Variants in AGL observed in about 807,000 individuals in gnomAD.
AGL encodes the protein amylo-alpha-1,6-glucosidase and 4-alpha-glucanotransferase.
A neutral mutation model predicts 199.3 loss-of-function variants in AGL; 128 were observed. That is an observed-to-expected ratio of 0.64 (90% CI 0.56 to 0.74). The LOEUF (loss-of-function observed/expected upper bound fraction) is 0.74, where lower values mean the gene tolerates loss of function less well. Ranked by LOEUF, AGL falls within the 30% of genes least tolerant of loss-of-function variation. The pLI is 0.00. For synonymous variants in AGL, 584 were observed against 594.7 expected, an observed-to-expected ratio of 0.98 and a Z score of 0.26; for missense variants, 1,809 against 1,820.8, an observed-to-expected ratio of 0.99 and a Z score of 0.12.
At chr1:99,859,796 C>T (rs1649886923) in intron 2 of AGL, among the ~76,000 whole-genome samples, 1 of 152,178 alleles carries the variant, frequency 6.6e-6, no homozygotes, top group African/African-American at 2.4e-5. Context: ...CTCGCCTCGG[C>T]CTCCCAGAGT....
chr1:99,879,749 C>G (rs761403608), intron 12 of AGL, among the ~76,000 whole-genome samples, 174 bp from the exon 13 acceptor site: 2 of 151,902 alleles, frequency 1.3e-5, no homozygotes, highest in Non-Finnish European at 2.9e-5. Context: ...CCTTTTTAAC[C>G]GTTTTCTTCT....
intron 4 of AGL, 63 bp downstream of exon 4, chr1:99,862,486 T>C (rs886297505): frequency 1.3e-5 from 20 of 1,574,032 alleles, no homozygotes; most frequent in Admixed American, 3.4e-5. Context: ...CTCTGTGATA[T>C]AGATTTCAAA....
chr1:99,880,348 T>C (rs1415006320), intron 13 of AGL, among the ~76,000 whole-genome samples: 1 of 152,232 alleles, frequency 6.6e-6, no homozygotes, highest in Non-Finnish European at 1.5e-5. Context: ...TACTGGGAGA[T>C]ATGATGTAAT....
chr1:99,870,380 G>C lies in AGL; in HGVS notation c.665-20G>C. On this transcript the variant is annotated intron_variant, in intron 5 of 33. Coordinates refer to ENST00000361915, the MANE Select transcript of AGL (RefSeq NM_000642.3). The stretch of plus-strand genomic sequence containing the variant: ...CAATTTAATTATGAGATACTCCTTT[G>C]TGTCTCCTTTTTCCTTCAGCTGCTA... 1 of 1,609,218 alleles carries C rather than the reference G, an allele frequency of 6.2e-7. No individual in the cohort carries two copies. The highest frequency in any genetic ancestry group is 8.5e-7 in the Non-Finnish European group (1 of 1,175,792).
Position 99,875,197 on chromosome 1 carries a change from A to G in AGL, c.1126A>G (p.Lys376Glu), listed in dbSNP as rs1346930170. 6 of 1,614,054 alleles carry G rather than the reference A, an allele frequency of 3.7e-6. No homozygotes were observed. The highest frequency in any genetic ancestry group is 5.1e-6 in the Non-Finnish European group (6 of 1,180,008). Residue 376 changes from lysine (K) to glutamate (E), a missense_variant, in exon 9 of 34, where the codon AAA becomes GAA. Transcript: ENST00000361915. Reference protein sequence around the residue: ...AIEECCNWFHKRMEELNSEKH... With the variant: ...AIEECCNWFHERMEELNSEKH... Reference sequence around the variant, plus strand: ...TGAAGAATGCTGTAATTGGTTTCATAAAAGAATGGAGGAATTAAATTCAGA... The same window carrying G: ...TGAAGAATGCTGTAATTGGTTTCATGAAAGAATGGAGGAATTAAATTCAGA...
intron 4 of AGL, among the ~76,000 whole-genome samples, chr1:99,863,002 C>T (rs545391657): frequency 3.3e-5 from 5 of 151,732 alleles, no homozygotes; most frequent in African/African-American, 1.2e-4. Context: ...TGCAATGGTG[C>T]GATCTCAGCT....
rs751094147 is a variant in AGL at position 99,887,988 on chromosome 1, A to G, written c.2692A>G (p.Arg898Gly). 3 of 1,613,426 alleles carry G rather than the reference A, an allele frequency of 1.9e-6. No homozygotes were observed. Among genetic ancestry groups the G allele is most frequent in the African/African-American group, 1.3e-5 (1 of 75,006 alleles). Reference protein sequence around the residue: ...LKIPFASLASRLTLAELNQIL... With the variant: ...LKIPFASLASGLTLAELNQIL... ...TTTTCCAATTCTTAGTCTTGCCTCC[A>G]GATTAACTTTGGCTGAGCTAAATCA... The change falls in exon 21 of 34, where the codon AGA becomes GGA. Residue 898 changes from arginine to glycine, a missense_variant. Arg to Gly is a moderately radical substitution (Grantham distance 125). Transcript: ENST00000361915.
intron 28 of AGL, 106 bp downstream of exon 28, chr1:99,910,953 T>C: frequency 5.5e-6 from 7 of 1,271,294 alleles, no homozygotes; most frequent in Non-Finnish European, 7.8e-6. Flanking sequence ...ATTAAGTCAA[T>C]CAAAATTTCC....
intron 27 of AGL, 35 bp from the exon 28 acceptor site, chr1:99,910,677 A>G (rs762799210): frequency 7.6e-7 from 1 of 1,311,456 alleles, no homozygotes; most frequent in Non-Finnish European, 1.1e-6. Context: ...TATAATACTT[A>G]TAAAATTTTA....
Position 99,880,733 on chromosome 1 carries a change from A to G in AGL, c.1837A>G (p.Met613Val). 1.2e-6 allele frequency: 2 copies of G among 1,614,038 alleles called. No homozygotes were observed. The highest frequency in any genetic ancestry group is 1.7e-5 in the Admixed American group (1 of 60,000). Residue 613 changes from methionine (M) to valine (V), a missense_variant, in exon 14 of 34, where the codon ATG becomes GTG. Physicochemically the swap from Met to Val is conservative, Grantham distance 21. Coordinates refer to ENST00000361915, the MANE Select transcript of AGL (RefSeq NM_000642.3). ...SFVQPCLRPL[M>V]PAIAHALFMD... is the part of the protein sequence containing the mutation. ...TGTTCAGCCCTGTTTGAGGCCTTTAATGCCAGCTATTGCACATGCCCTGTT... is the reference window on the plus strand; with the variant it reads ...TGTTCAGCCCTGTTTGAGGCCTTTAGTGCCAGCTATTGCACATGCCCTGTT...
intron 4 of AGL, 119 bp downstream of exon 4, chr1:99,862,542 T>A: frequency 9.5e-7 from 1 of 1,054,396 alleles, no homozygotes; most frequent in Non-Finnish European, 1.4e-6. Flanking sequence ...AAGAACTACC[T>A]GAGACTGGGT....
At position 99,879,922 on chromosome 1, in the gene AGL, G is replaced by A. The variant is rs1327892944; in HGVS notation, c.1612-1G>A. 2 of 1,610,454 alleles carry A rather than the reference G, an allele frequency of 1.2e-6. No individual in the cohort carries two copies. Among genetic ancestry groups the A allele is most frequent in the Non-Finnish European group, 1.7e-6 (2 of 1,177,010 alleles). On this transcript the variant is annotated splice_acceptor_variant, in intron 12 of 33. Transcript: ENST00000361915. LOFTEE classifies it high-confidence loss of function. ...TACATTTGTCACTGTGCTTTTTACA[G>A]TACATGTTGGATGCTGCTAGGAATT...
rs772280861 is a variant in AGL at position 99,896,272 on chromosome 1, GT to G, written c.3260-6del. Reference sequence around the variant, plus strand: ...TATGATTAACATATTACTTTGTTGTGTTTTTTTTGTTAGGCTTACCTCATTT... The same window carrying G: ...TATGATTAACATATTACTTTGTTGTGTTTTTTTGTTAGGCTTACCTCATTT... On this transcript the variant is annotated splice_polypyrimidine_tract_variant and intron_variant, in intron 24 of 33. Transcript: ENST00000361915. 7.6e-6 allele frequency: 12 copies of G among 1,584,856 alleles called. No homozygotes were observed. Among genetic ancestry groups the G allele is most frequent in the South Asian group, 1.1e-5 (1 of 90,560 alleles).
intron 18 of AGL, 41 bp from the exon 19 acceptor site, chr1:99,884,298 C>G (rs767257183): frequency 6.2e-7 from 1 of 1,606,286 alleles, no homozygotes; most frequent in African/African-American, 1.3e-5. Flanking sequence ...AACATTAGAA[C>G]TATTTGTTGA....
chr1:99,867,414 T>C (rs1171760182), intron 5 of AGL, among the ~76,000 whole-genome samples: 1 of 152,146 alleles, frequency 6.6e-6, no homozygotes, highest in Non-Finnish European at 1.5e-5. Context: ...CCACTCCTGG[T>C]AGGTGTGGCC....
chr1:99,891,179 T>A, intron 21 of AGL, 41 bp from the exon 22 acceptor site: 1 of 1,612,484 alleles, frequency 6.2e-7, no homozygotes, highest in Non-Finnish European at 8.5e-7. Flanking sequence ...AACAAATTGA[T>A]GCTACCAATA....
rs563472929 is a variant in AGL at position 99,877,819 on chromosome 1, C to A, written c.1602C>A (p.His534Gln). 1 of 1,613,894 alleles carries A rather than the reference C, an allele frequency of 6.2e-7. No individual in the cohort carries two copies. Among genetic ancestry groups the A allele is most frequent in the Admixed American group, 1.7e-5 (1 of 60,020 alleles). ...RLDNCHSTPL[H>Q]VAEYMLDAAR... The stretch of plus-strand genomic sequence containing the variant: ...ATAACTGCCACTCAACACCTCTTCA[C>A]GTAGCTGAGGTACAGAAAAACAATT... The change falls in exon 12 of 34, where the codon CAC (histidine) becomes CAA (glutamine). Residue 534 changes from histidine (H) to glutamine (Q), a missense_variant. Coordinates refer to ENST00000361915, the MANE Select transcript of AGL (RefSeq NM_000642.3).
intron 27 of AGL, among the ~76,000 whole-genome samples, chr1:99,908,018 T>C (rs975513359): frequency 3.9e-5 from 6 of 152,158 alleles, no homozygotes; most frequent in Non-Finnish European, 5.9e-5. Flanking sequence ...GTTTCTGATT[T>C]TGATTAAGTC....
intron 26 of AGL, among the ~76,000 whole-genome samples, chr1:99,901,762 G>C (rs535397691): frequency 6.8e-6 from 1 of 147,786 alleles, no homozygotes; most frequent in Non-Finnish European, 1.5e-5. Flanking sequence ...ATATATGATT[G>C]GGGGGGCTGG....
Sources: gnomAD v4.1 joint callset for allele counts (sites outside exome capture counted in the v4.1 genomes callset) on GRCh38, gnomAD v4.1.1 for gene constraint, MANE v1.5 for transcripts, NCBI Gene and HGNC (gene_info 2026-07-23, HGNC 2026-07-21) for gene names.